B3GAT2: variants seen among roughly 807,000 people sequenced by gnomAD.
B3GAT2 encodes beta-1,3-glucuronyltransferase 2, also known as galactosylgalactosylxylosylprotein 3-beta-glucuronosyltransferase 2.
B3GAT2 carries 26 observed loss-of-function variants against 27.8 expected under a neutral mutation model. The observed-to-expected ratio is 0.93, with a 90% CI of 0.68 to 1.30. B3GAT2 has a LOEUF of 1.30. B3GAT2 is among the 50% of genes most tolerant of loss of function. B3GAT2 has a pLI of 0.00. For missense variants in B3GAT2, 458 were observed against 459.0 expected (o/e 1.00, Z 0.02); for synonymous variants, 218 against 195.1 (o/e 1.12, Z -0.98).
intron 2 of B3GAT2, among the ~76,000 whole-genome samples, chr6:70,891,654 G>A (rs149633446): frequency 2.6e-5 from 4 of 152,068 alleles, no homozygotes; most frequent in Non-Finnish European, 4.4e-5. Flanking sequence ...CTCTTAATCC[G>A]CTTTGCAAAT....
At chr6:70,875,745 T>A (rs1160647790) in intron 2 of B3GAT2, among the ~76,000 whole-genome samples, 1 of 152,238 alleles carries the variant, frequency 6.6e-6, no homozygotes, top group Non-Finnish European at 1.5e-5. Context: ...GAAACTTAAG[T>A]AAAAGTCTAA....
At chr6:70,900,951 C>G (rs913121001) in intron 1 of B3GAT2, among the ~76,000 whole-genome samples, 1 of 151,838 alleles carries the variant, frequency 6.6e-6, no homozygotes, top group African/African-American at 2.4e-5. Context: ...ATTTCAGTAG[C>G]AAAAAGTAAA....
chr6:70,885,455 G>A (rs1046216652), intron 2 of B3GAT2, among the ~76,000 whole-genome samples: 5 of 151,920 alleles, frequency 3.3e-5, no homozygotes, highest in African/African-American at 4.8e-5. Flanking sequence ...TTTTGGCTTC[G>A]ATTTTCTCCT....
intron 2 of B3GAT2, among the ~76,000 whole-genome samples, chr6:70,886,660 C>T (rs150396163): frequency 0.019 from 2,836 of 152,194 alleles, 30 homozygotes; most frequent in Middle Eastern, 0.038. Context: ...AGAGCAAGCA[C>T]CCTGAGTATG....
At chr6:70,892,858 A>T (rs894685413) in intron 2 of B3GAT2, among the ~76,000 whole-genome samples, 3 of 152,202 alleles carry the variant, frequency 2.0e-5, no homozygotes, top group Admixed American at 1.3e-4. Flanking sequence ...GAGGGTCCTC[A>T]GGACCGTCCA....
At chr6:70,894,397 A>G (rs1772344588) in intron 1 of B3GAT2, 125 bp from the exon 2 acceptor site, 7 of 1,060,874 alleles carry the variant, frequency 6.6e-6, no homozygotes, top group Non-Finnish European at 9.1e-6. Flanking sequence ...GAAGGTTTCA[A>G]AACAGAATCC....
chr6:70,909,020 A>G (rs2150037821), intron 1 of B3GAT2, among the ~76,000 whole-genome samples: 1 of 152,322 alleles, frequency 6.6e-6, no homozygotes, highest in South Asian at 2.1e-4. Flanking sequence ...TAGCTTCAGA[A>G]AAAGATTAAT....
intron 2 of B3GAT2, among the ~76,000 whole-genome samples, chr6:70,870,942 A>G (rs2150023552): frequency 6.6e-6 from 1 of 152,164 alleles, no homozygotes; most frequent in Middle Eastern, 3.4e-3. Context: ...TCTTCTCTCT[A>G]GTGTTTTTAT....
At chr6:70,930,204 A>G (rs1335090538) in intron 1 of B3GAT2, among the ~76,000 whole-genome samples, 1 of 152,250 alleles carries the variant, frequency 6.6e-6, no homozygotes, top group African/African-American at 2.4e-5. Context: ...AGATGGATTA[A>G]AGACTTAAAT....
chr6:70,887,858 G>C (rs918898839), intron 2 of B3GAT2, among the ~76,000 whole-genome samples: 8 of 152,218 alleles, frequency 5.3e-5, no homozygotes, highest in African/African-American at 1.9e-4. Context: ...CAAAGGGAAG[G>C]GTAGAATGTG....
At chr6:70,917,219 G>C (rs2150040803) in intron 1 of B3GAT2, among the ~76,000 whole-genome samples, 1 of 152,276 alleles carries the variant, frequency 6.6e-6, no homozygotes, top group African/African-American at 2.4e-5. Context: ...ATGATAGTTT[G>C]TATTTCCGTG....
chr6:70,909,378 G>A (rs1380556593), intron 1 of B3GAT2, among the ~76,000 whole-genome samples: 2 of 152,184 alleles, frequency 1.3e-5, no homozygotes, highest in Admixed American at 6.5e-5. Flanking sequence ...AAACAAGAAG[G>A]TGTATGAAAG....
At chr6:70,927,194 A>C (rs541422414) in intron 1 of B3GAT2, among the ~76,000 whole-genome samples, 4 of 152,352 alleles carry the variant, frequency 2.6e-5, no homozygotes, top group East Asian at 3.9e-4. Flanking sequence ...CATGGAAAGG[A>C]ACAACCAGTA....
At position 70,858,410 on chromosome 6, in the gene B3GAT2, AATG is replaced by A. The variant is rs1335462644; in HGVS notation, c.*3250_*3252del. 1 of 548,008 alleles carries A rather than the reference AATG, an allele frequency of 1.8e-6. No homozygotes were observed. The highest frequency in any genetic ancestry group is 2.0e-5 in the African/African-American group (1 of 51,106). The allele number at this position is 548,008 out of a possible 1,614,324, so 33.9% of individuals were successfully genotyped here. A position where few individuals can be genotyped will look rare whatever the true frequency, so the allele number is the denominator to read the frequency against. ...ATTATGAAGTTGTATCAGATAGACAAATGATGTGTTATTATCGCTATTTTAGAG... is the reference window on the plus strand; with the variant it reads ...ATTATGAAGTTGTATCAGATAGACAAATGTGTTATTATCGCTATTTTAGAG... On this transcript the variant is annotated 3_prime_UTR_variant, in exon 4 of 4. Transcript: ENST00000230053.
chr6:70,927,936 G>T (rs1772991388), intron 1 of B3GAT2, among the ~76,000 whole-genome samples: 1 of 152,186 alleles, frequency 6.6e-6, no homozygotes, highest in Non-Finnish European at 1.5e-5. Flanking sequence ...TTAGTTGGAA[G>T]TAAGGCACTC....
chr6:70,953,500 C>T (rs1765605999), intron 1 of B3GAT2, among the ~76,000 whole-genome samples: 1 of 152,086 alleles, frequency 6.6e-6, no homozygotes, highest in African/African-American at 2.4e-5. Flanking sequence ...AAACAAAGGC[C>T]TAATCTGTCC....
intron 1 of B3GAT2, among the ~76,000 whole-genome samples, chr6:70,939,799 A>T (rs1000091197): frequency 4.6e-5 from 7 of 152,028 alleles, no homozygotes; most frequent in Admixed American, 2.6e-4. Context: ...ATGCTAAAAG[A>T]CTAGTTAATG....
chr6:70,860,264 C>G lies in B3GAT2; in HGVS notation c.*1399G>C. The G allele has an allele frequency of 3.7e-6, 6 of 1,613,708 alleles. No homozygotes were observed. The highest frequency in any genetic ancestry group is 5.1e-6 in the Non-Finnish European group (6 of 1,179,850). On this transcript the variant is annotated 3_prime_UTR_variant, in exon 4 of 4. Coordinates refer to ENST00000230053, the MANE Select transcript of B3GAT2 (RefSeq NM_080742.3). ...ACCCCTACTGCAGGTTTTGGCCAGC[C>G]CTCCAGCACAACAGCAGGATGGTCT...
At chr6:70,922,285 G>T (rs969641559) in intron 1 of B3GAT2, among the ~76,000 whole-genome samples, 1 of 152,180 alleles carries the variant, frequency 6.6e-6, no homozygotes, top group East Asian at 1.9e-4. Flanking sequence ...TTAACAATTT[G>T]TATTTTATAG....
Sources: gnomAD v4.1 joint callset for allele counts (sites outside exome capture counted in the v4.1 genomes callset) on GRCh38, gnomAD v4.1.1 for gene constraint, MANE v1.5 for transcripts, NCBI Gene and HGNC (gene_info 2026-07-23, HGNC 2026-07-21) for gene names.